The following CHODL variants were observed in gnomAD, a reference collection of about 807,000 sequenced individuals.
CHODL encodes the protein chondrolectin.
Under a neutral mutation model 34.5 loss-of-function variants are expected in CHODL, and 29 were observed. That is an observed-to-expected ratio of 0.84 (90% CI 0.63 to 1.15). The LOEUF is 1.15. Ranked by LOEUF, CHODL falls within the 50% of genes most tolerant of loss-of-function variation. The probability of loss-of-function intolerance (pLI) is 0.00; values close to 1 mark genes in which losing one functional copy is unlikely to be tolerated. For synonymous variants in CHODL, 125 were observed against 116.1 expected (o/e 1.08, Z -0.49); for missense variants, 332 against 332.5 (o/e 1.00, Z 0.01).
intron 2 of CHODL, among the ~76,000 whole-genome samples, chr21:18,088,219 A>C (rs1401508703): frequency 6.6e-6 from 1 of 152,094 alleles, no homozygotes; most frequent in East Asian, 1.9e-4. Flanking sequence ...TCTCCTAGGC[A>C]TGTAGTATGG....
At chr21:18,019,409 C>T (rs1159727478) in intron 1 of CHODL, among the ~76,000 whole-genome samples, 1 of 149,222 alleles carries the variant, frequency 6.7e-6, no homozygotes, top group Non-Finnish European at 1.5e-5. Flanking sequence ...TATTTGATAG[C>T]ACAATAGAGA....
In CHODL at chr21:18,092,342, G is replaced by A. The variant is rs376737442; in HGVS notation, c.-45+64371G>A. Reference sequence around the variant, plus strand: ...CTAAGTCCCCTTAAATACTTGGAAAGCCTTCCCAAGAAAGACAGGCACAAA... The same window carrying A: ...CTAAGTCCCCTTAAATACTTGGAAAACCTTCCCAAGAAAGACAGGCACAAA... On this transcript the variant is annotated intron_variant, in intron 2 of 6. Transcript: ENST00000400127. Among the ~76,000 whole-genome samples, 53 of 152,292 alleles carry A rather than the reference G, an allele frequency of 3.5e-4. 1 individual carries two copies. The South Asian group carries it at 9.5e-3, about 27-fold the overall frequency.
In CHODL at chr21:18,189,629, ATTT is replaced by A. The variant is rs35604998; in HGVS notation, c.-44-66859_-44-66857del. On this transcript the variant is annotated intron_variant, in intron 2 of 6. Coordinates refer to the CHODL transcript ENST00000400127. The stretch of plus-strand genomic sequence containing the variant: ...TCAGATCAACTAATAGAAGTGGGCA[ATTT>A]TTTTTTTTTTTTTTTTTTTTGAGAT... Among the ~76,000 whole-genome samples, 810 of 94,596 alleles carry A rather than the reference ATTT, an allele frequency of 8.6e-3. 5 individuals are homozygous for A. Among genetic ancestry groups the A allele is most frequent in the African/African-American group, 0.029 (751 of 25,796 alleles). 62.1% of individuals were successfully genotyped at this position (94,596 alleles called of 152,430 possible).
intron 2 of CHODL, among the ~76,000 whole-genome samples, chr21:18,058,653 A>G (rs749400014): frequency 1.3e-5 from 2 of 152,202 alleles, no homozygotes; most frequent in Non-Finnish European, 2.9e-5. Flanking sequence ...CTATTTGTGA[A>G]ATATCTCTAG....
chr21:17,959,122 C>T (rs1266856047), intron 1 of CHODL, among the ~76,000 whole-genome samples: 4 of 152,098 alleles, frequency 2.6e-5, no homozygotes, highest in African/African-American at 7.2e-5. Flanking sequence ...ACATAGTTCA[C>T]AAAAAGTGGC....
At chr21:18,248,612 A>AAAGG in intron 1 of CHODL, among the ~76,000 whole-genome samples, 1 of 128,580 alleles carries the variant, frequency 7.8e-6, no homozygotes, top group African/African-American at 3.1e-5. Flanking sequence ...TATATGTATA[A>AAAGG]TACATATATA....
chr21:18,029,358 G>A (rs78641220), intron 2 of CHODL, among the ~76,000 whole-genome samples: 2,362 of 152,162 alleles, frequency 0.016, 139 homozygotes, highest in East Asian at 0.13. Flanking sequence ...GTCTGACATT[G>A]TTTGAATATA....
At chr21:18,056,065 G>T (rs169609) in intron 2 of CHODL, among the ~76,000 whole-genome samples, 1 of 151,958 alleles carries the variant, frequency 6.6e-6, no homozygotes, top group Non-Finnish European at 1.5e-5. Context: ...CACTATCTTA[G>T]ATTTTTTTGG....
At chr21:18,201,967 A>G (rs113895357) in intron 2 of CHODL, among the ~76,000 whole-genome samples, 6 of 151,820 alleles carry the variant, frequency 4.0e-5, no homozygotes, top group Non-Finnish European at 8.8e-5. Context: ...ACCACACTCG[A>G]CTAATTTTTT....
At chr21:18,202,368 A>T (rs1235777833) in intron 2 of CHODL, among the ~76,000 whole-genome samples, 1 of 152,224 alleles carries the variant, frequency 6.6e-6, no homozygotes, top group Non-Finnish European at 1.5e-5. Context: ...CTAACATTAA[A>T]TAAGTTCACA....
At chr21:18,020,272 A>G (rs993272613) in intron 1 of CHODL, among the ~76,000 whole-genome samples, 1 of 152,202 alleles carries the variant, frequency 6.6e-6, no homozygotes, top group Non-Finnish European at 1.5e-5. Context: ...TAGGGCATCA[A>G]TCTGCATCAG....
At chr21:18,074,528 T>A (rs960583824) in intron 2 of CHODL, among the ~76,000 whole-genome samples, 3 of 152,156 alleles carry the variant, frequency 2.0e-5, no homozygotes, top group Non-Finnish European at 4.4e-5. Context: ...TAGAGAGGGA[T>A]GGATGCATTG....
chr21:18,262,704 C>T (rs1383991139), intron 4 of CHODL, 87 bp from the exon 5 acceptor site: 2 of 756,462 alleles, frequency 2.6e-6, no homozygotes, highest in African/African-American at 1.7e-5. Flanking sequence ...TCTATTTCAC[C>T]TGAATTTTTT....
intron 2 of CHODL, among the ~76,000 whole-genome samples, chr21:18,129,892 C>CTGTGTGTGTG (rs150557806): frequency 1.7e-4 from 24 of 140,590 alleles, no homozygotes; most frequent in African/African-American, 6.0e-4. Context: ...CTGTCTTTCT[C>CTGTGTGTGTG]TGTGTGTGTG....
In CHODL at chr21:18,189,718, T is replaced by C. The variant is rs532418138; in HGVS notation, c.-44-66791T>C. On this transcript the variant is annotated intron_variant, in intron 2 of 6. Transcript: ENST00000400127. Reference sequence around the variant, plus strand: ...GGTGCGATCTCAGCTCACTGCAACCTCCGCCTCCCTGGTTCAAGCGATTCT... The same window carrying C: ...GGTGCGATCTCAGCTCACTGCAACCCCCGCCTCCCTGGTTCAAGCGATTCT... Among the ~76,000 whole-genome samples, 3 of 144,782 alleles carry C rather than the reference T, an allele frequency of 2.1e-5. No individual in the cohort carries two copies. In the East Asian group the frequency reaches 6.5e-4, roughly 31 times the overall value. 95.0% of individuals were successfully genotyped at this position (144,782 alleles called of 152,430 possible).
intron 2 of CHODL, among the ~76,000 whole-genome samples, chr21:18,073,146 A>C (rs1423590285): frequency 6.6e-6 from 1 of 152,156 alleles, no homozygotes; most frequent in African/African-American, 2.4e-5. Flanking sequence ...TTGATAATGA[A>C]GTGTCTATTA....
In CHODL at chr21:18,087,474, TG is replaced by T. The variant is rs1319062221; in HGVS notation, c.-45+59507del. ...AAGCAAGCAGGGGGGCACGAAGCTG[TG>T]GGGAATGTAGTCCATTTGCATCTCA... On this transcript the variant is annotated intron_variant, in intron 2 of 6. Coordinates refer to the CHODL transcript ENST00000400127. Among the ~76,000 whole-genome samples, 5 of 152,028 alleles carry T rather than the reference TG, an allele frequency of 3.3e-5. No homozygotes were observed. The East Asian group carries it at 7.7e-4, about 24-fold the overall frequency.
intron 1 of CHODL, among the ~76,000 whole-genome samples, chr21:17,936,720 T>A (rs8127725): frequency 1.3e-5 from 2 of 152,072 alleles, no homozygotes; most frequent in African/African-American, 4.8e-5. Context: ...GGAAGGGATG[T>A]GACTGAGAAC....
intron 1 of CHODL, among the ~76,000 whole-genome samples, chr21:18,005,327 C>T (rs1194742824): frequency 6.6e-6 from 1 of 152,212 alleles, no homozygotes; most frequent in East Asian, 1.9e-4. Context: ...TTATGAGGCA[C>T]TCTAGAATTG....
Sources: gnomAD v4.1 joint callset for allele counts (sites outside exome capture counted in the v4.1 genomes callset) on GRCh38, gnomAD v4.1.1 for gene constraint, MANE v1.5 for transcripts, NCBI Gene and HGNC (gene_info 2026-07-23, HGNC 2026-07-21) for gene names.